Variants in BCKDHB observed in about 807,000 individuals in gnomAD.
The protein encoded by BCKDHB is branched chain keto acid dehydrogenase E1 subunit beta.
In BCKDHB, 41 loss-of-function variants were observed where a neutral mutation model predicts 48.5. That is an observed-to-expected ratio of 0.85 (90% confidence interval 0.66 to 1.10). The LOEUF is 1.10. Among genes scored for constraint, BCKDHB ranks in the 50% least tolerant of loss-of-function variants. BCKDHB has a pLI of 0.00. For synonymous variants in BCKDHB, 201 were observed against 174.8 expected (o/e 1.15, Z -1.18); for missense variants, 496 against 494.2 (o/e 1.00, Z -0.03).
At chr6:80,466,312 A>G in the BCKDHB span, among the ~76,000 whole-genome samples, 1 of 152,172 alleles carries the variant, frequency 6.6e-6, no homozygotes, top group Non-Finnish European at 1.5e-5. Context: ...TTAACAAAAA[A>G]TTTTTGGAAG....
At chr6:80,338,374 G>A (rs930019648) in intron 9 of BCKDHB, among the ~76,000 whole-genome samples, 8 of 152,110 alleles carry the variant, frequency 5.3e-5, no homozygotes, top group African/African-American at 1.9e-4. Flanking sequence ...TTGTGTGCGC[G>A]GAGGGATTTC....
intron 7 of BCKDHB, among the ~76,000 whole-genome samples, chr6:80,202,259 G>C (rs967417678): frequency 6.6e-6 from 1 of 152,030 alleles, no homozygotes; most frequent in Non-Finnish European, 1.5e-5. Context: ...TTCAGACTGC[G>C]TTCCATTTTA....
rs139033594 is a variant in BCKDHB at position 80,172,418 on chromosome 6, C to T, written c.742+1028C>T. Among the ~76,000 whole-genome samples, 899 of 152,082 alleles carry T rather than the reference C, an allele frequency of 5.9e-3. 13 individuals are homozygous for T. Among genetic ancestry groups the T allele is most frequent in the African/African-American group, 0.021 (869 of 41,510 alleles). On this transcript the variant is annotated intron_variant, in intron 6 of 9. Transcript: ENST00000320393. ...TACTAAATAATGAACATTGTCATTA[C>T]ATCATACGAATATTCATTGTTCATT... is the stretch of plus-strand genomic sequence containing the variant.
intron 3 of BCKDHB, among the ~76,000 whole-genome samples, chr6:80,162,926 C>T (rs528682454): frequency 2.6e-4 from 39 of 151,608 alleles, no homozygotes; most frequent in Non-Finnish European, 5.0e-4. Flanking sequence ...TCTTCTCTCT[C>T]TCTCTTTTTT....
chr6:80,462,688 G>A, the BCKDHB span, among the ~76,000 whole-genome samples: 24 of 152,264 alleles, frequency 1.6e-4, no homozygotes, highest in Admixed American at 5.2e-4. Flanking sequence ...TGAAGCCAGG[G>A]AAATACTTAA....
intron 9 of BCKDHB, chr6:80,307,637 C>A: frequency 3.1e-6 from 3 of 977,354 alleles, no homozygotes; most frequent in Non-Finnish European, 3.6e-6. Flanking sequence ...TATATCTAGC[C>A]ATTATAGAAA....
intron 3 of BCKDHB, among the ~76,000 whole-genome samples, chr6:80,147,750 C>T (rs1025723212): frequency 1.3e-4 from 20 of 152,136 alleles, no homozygotes; most frequent in African/African-American, 4.8e-4. Flanking sequence ...GCCCAACAAT[C>T]TTTACTGCTA....
At chr6:80,398,855 T>C in the BCKDHB span, among the ~76,000 whole-genome samples, 2 of 152,114 alleles carry the variant, frequency 1.3e-5, no homozygotes, top group Non-Finnish European at 2.9e-5. Context: ...AGCAAAATAC[T>C]TCCAAAATGA....
the BCKDHB span, among the ~76,000 whole-genome samples, chr6:80,376,044 A>T: frequency 6.6e-6 from 1 of 152,162 alleles, no homozygotes; most frequent in Non-Finnish European, 1.5e-5. Context: ...CAGATTTCTC[A>T]GGTGGTAGGC....
intron 8 of BCKDHB, among the ~76,000 whole-genome samples, chr6:80,228,939 A>T (rs1385144682): frequency 2.0e-5 from 3 of 152,128 alleles, no homozygotes; most frequent in African/African-American, 7.2e-5. Context: ...GAGACTAAGA[A>T]CTCCTCAGGT....
chr6:80,320,040 C>T (rs1465502746), intron 9 of BCKDHB, among the ~76,000 whole-genome samples: 1 of 151,964 alleles, frequency 6.6e-6, no homozygotes, highest in Non-Finnish European at 1.5e-5. Flanking sequence ...AAAAGGAAAT[C>T]TGAGTTATAT....
At chr6:80,140,229 T>C (rs1469548093) in intron 3 of BCKDHB, among the ~76,000 whole-genome samples, 1 of 152,240 alleles carries the variant, frequency 6.6e-6, no homozygotes, top group Non-Finnish European at 1.5e-5. Flanking sequence ...TTTCTAGATA[T>C]ACAATCATGT....
chr6:80,418,473 A>G, the BCKDHB span, among the ~76,000 whole-genome samples: 2 of 151,390 alleles, frequency 1.3e-5, no homozygotes, highest in South Asian at 2.1e-4. Flanking sequence ...TTTTTCTTTT[A>G]TCCTATTTTT....
chr6:80,451,712 G>A, the BCKDHB span, among the ~76,000 whole-genome samples: 1 of 150,386 alleles, frequency 6.6e-6, no homozygotes, highest in Non-Finnish European at 1.5e-5. Context: ...CTGGGTGACA[G>A]AGTGAGACTC....
At chr6:80,150,274 A>G (rs1771706182) in intron 3 of BCKDHB, among the ~76,000 whole-genome samples, 1 of 152,098 alleles carries the variant, frequency 6.6e-6, no homozygotes, top group Admixed American at 6.6e-5. Context: ...GTAACTCAGT[A>G]TACTTATTTT....
At chr6:80,220,453 G>A (rs1417162162) in intron 8 of BCKDHB, among the ~76,000 whole-genome samples, 1 of 72,730 alleles carries the variant, frequency 1.4e-5, no homozygotes, top group Admixed American at 1.9e-4. Flanking sequence ...ATTTGTGATT[G>A]TTGATTATTC....
At chr6:80,113,563 C>G (rs887470096) in intron 1 of BCKDHB, among the ~76,000 whole-genome samples, 1 of 152,160 alleles carries the variant, frequency 6.6e-6, no homozygotes, top group Non-Finnish European at 1.5e-5. Context: ...AAAAGCATTC[C>G]CCTGTATGGA....
At chr6:80,337,375 C>G (rs1769646060) in intron 9 of BCKDHB, among the ~76,000 whole-genome samples, 1 of 152,032 alleles carries the variant, frequency 6.6e-6, no homozygotes. Context: ...GAGTTTAACT[C>G]TTATACTACT....
At chr6:80,193,303 ATTTTT>A (rs559806022) in intron 6 of BCKDHB, among the ~76,000 whole-genome samples, 1 of 151,636 alleles carries the variant, frequency 6.6e-6, no homozygotes, top group East Asian at 1.9e-4. Flanking sequence ...ATAACAGGTG[ATTTTT>A]TTTTAATTTT....
Sources: allele counts gnomAD v4.1 joint callset (sites outside exome capture counted in the v4.1 genomes callset), GRCh38; gene constraint gnomAD v4.1.1; transcripts MANE v1.5; gene names NCBI Gene and HGNC (gene_info 2026-07-23, HGNC 2026-07-21).